Variants in SH3KBP1 observed in about 807,000 individuals in gnomAD.
SH3KBP1 encodes the protein SH3 domain-containing kinase-binding protein 1.
In SH3KBP1, 8 loss-of-function variants were observed where a neutral mutation model predicts 50.1. That is an observed-to-expected ratio of 0.16 (90% confidence interval 0.09 to 0.29). The LOEUF is 0.29. Among genes scored for constraint, SH3KBP1 ranks in the 10% least tolerant of loss-of-function variants. The pLI is 1.00. For missense variants in SH3KBP1, 377 were observed against 535.2 expected (o/e 0.70, Z 2.92); for synonymous variants, 227 against 218.6 (o/e 1.04, Z -0.34).
chrX:19,847,410 T>C (rs778240998), intron 1 of SH3KBP1, among the ~76,000 whole-genome samples: 1 of 111,602 alleles, frequency 9.0e-6, no homozygotes, highest in Non-Finnish European at 1.9e-5. Context: ...GAAATGCTTG[T>C]TGTCGAGGGG....
intron 1 of SH3KBP1, among the ~76,000 whole-genome samples, chrX:19,868,074 T>C (rs1030601184): frequency 1.4e-4 from 16 of 111,449 alleles, no homozygotes; most frequent in African/African-American, 4.9e-4. Flanking sequence ...AGGGTTTGAT[T>C]TGTCTACCTA....
At chrX:19,760,041 C>CCTCTCTCTCTCTCTCTCTCT (rs745515349) in intron 2 of SH3KBP1, among the ~76,000 whole-genome samples, 30 of 50,384 alleles carry the variant, frequency 6.0e-4, no homozygotes, top group Non-Finnish European at 7.1e-4. Context: ...TCTCTCTCTC[C>CCTCTCTCTCTCTCTCTCTCT]CTCTCTCTCT....
chrX:19,758,004 G>GT (rs970621672), intron 2 of SH3KBP1, among the ~76,000 whole-genome samples: 8 of 108,827 alleles, frequency 7.4e-5, no homozygotes, highest in Non-Finnish European at 1.3e-4. Flanking sequence ...AATAATCAAT[G>GT]TTTTTTTTTC....
intron 2 of SH3KBP1, among the ~76,000 whole-genome samples, chrX:19,796,283 T>A (rs1383258272): frequency 8.9e-6 from 1 of 112,020 alleles, no homozygotes; most frequent in Non-Finnish European, 1.9e-5. Context: ...GCAACCTATG[T>A]GCTTAGGAAC....
In SH3KBP1 at chrX:19,631,843, T is replaced by C. The variant is rs748046985; in HGVS notation, c.897+21A>G. On this transcript the variant is annotated intron_variant, in intron 8 of 17. Transcript: ENST00000397821. ...CCAAAGCAGTTCGCGATTTAGAAGGTAGGAGACAACCTTTGTTTACCTTAT... is the reference window on the plus strand; with the variant it reads ...CCAAAGCAGTTCGCGATTTAGAAGGCAGGAGACAACCTTTGTTTACCTTAT... The C allele has an allele frequency of 7.5e-6, 8 of 1,068,100 alleles. No homozygotes were observed. The East Asian group carries it at 2.4e-4, about 32-fold the overall frequency. The allele number at this position is 1,068,100 out of a possible 1,213,427, so 88.0% of individuals were successfully genotyped here.
chrX:19,782,804 CT>C (rs2066220558), intron 2 of SH3KBP1, among the ~76,000 whole-genome samples: 1 of 111,525 alleles, frequency 9.0e-6, no homozygotes, highest in Admixed American at 9.5e-5. Flanking sequence ...TTGCTGATGC[CT>C]TTCTCCAGTT....
intron 7 of SH3KBP1, among the ~76,000 whole-genome samples, chrX:19,643,307 A>ATT (rs1216327847): frequency 5.4e-5 from 4 of 74,575 alleles, no homozygotes; most frequent in Non-Finnish European, 7.1e-5. Flanking sequence ...AGAATTTTTT[A>ATT]TTTTTTTTTT....
chrX:19,660,924 T>C (rs896097662), intron 6 of SH3KBP1, among the ~76,000 whole-genome samples: 1 of 112,414 alleles, frequency 8.9e-6, no homozygotes, highest in African/African-American at 3.2e-5. Flanking sequence ...GACCATCAAC[T>C]CATGTAGTAC....
intron 1 of SH3KBP1, among the ~76,000 whole-genome samples, chrX:19,868,202 C>T (rs982406037): frequency 8.1e-5 from 9 of 111,723 alleles, no homozygotes; most frequent in Admixed American, 3.8e-4. Flanking sequence ...CCCTACTGTG[C>T]GCCGGGATCT....
Position 19,588,667 on chromosome X carries a change from G to A in SH3KBP1, c.1274C>T (p.Pro425Leu), listed in dbSNP as rs765884745. 8 of 1,205,915 alleles carry A rather than the reference G, an allele frequency of 6.6e-6. No homozygotes were observed. The highest frequency in any genetic ancestry group is 5.9e-5 in the East Asian group (2 of 33,642). Residue 425 changes from proline (P) to leucine (L), a missense_variant, in exon 12 of 18, where the codon CCG becomes CTG. By Grantham distance (98) the Pro-to-Leu change is moderately conservative. Around this residue, in one of 3 missense-constraint regions of SH3KBP1, gnomAD observed 257 missense variants for 374.2 expected, o/e 0.69. Transcript: ENST00000397821. ...GALPPRRPER[P>L]VGPLTHTRGD... is the part of the protein sequence containing the mutation. ...CCTGGTGTGTGTCAGCGGACCCACC[G>A]GTCTCTCCGGCCTTCTCGGGGGCAG...
chrX:19,694,909 T>C (rs2063379668), intron 5 of SH3KBP1: 2 of 816,003 alleles, frequency 2.5e-6, no homozygotes. Flanking sequence ...TTCATGCCCA[T>C]GACCTTGGCT....
intron 3 of SH3KBP1, among the ~76,000 whole-genome samples, chrX:19,730,319 A>G (rs1451207760): frequency 8.9e-6 from 1 of 112,184 alleles, no homozygotes; most frequent in Non-Finnish European, 1.9e-5. Flanking sequence ...CCATAAAAGA[A>G]ATAACTATTA....
intron 4 of SH3KBP1, among the ~76,000 whole-genome samples, chrX:19,705,382 C>G (rs2063631725): frequency 8.9e-6 from 1 of 111,803 alleles, no homozygotes; most frequent in African/African-American, 3.3e-5. Flanking sequence ...TCTTATTAGT[C>G]ACATCTGTTT....
intron 12 of SH3KBP1, chrX:19,588,426 C>T (rs1354384752): frequency 1.5e-5 from 17 of 1,144,216 alleles, no homozygotes; most frequent in Admixed American, 7.9e-5. Flanking sequence ...AAACCCACAC[C>T]GCACCCCTCA....
intron 5 of SH3KBP1, among the ~76,000 whole-genome samples, chrX:19,694,663 G>A (rs146773138): frequency 8.3e-4 from 93 of 111,584 alleles, no homozygotes; most frequent in African/African-American, 2.6e-3. Context: ...GAAGGAAGTC[G>A]CTTGAGCACT....
At chrX:19,557,904 T>A (rs779400952) in intron 13 of SH3KBP1, among the ~76,000 whole-genome samples, 55 of 111,729 alleles carry the variant, frequency 4.9e-4, no homozygotes, top group African/African-American at 1.7e-3. Context: ...AAAGGTGAAA[T>A]TAGCAATGAT....
intron 1 of SH3KBP1, among the ~76,000 whole-genome samples, chrX:19,845,301 T>A (rs2068338184): frequency 1.9e-5 from 2 of 106,568 alleles, no homozygotes; most frequent in South Asian, 4.2e-4. Flanking sequence ...ACACGGTGAA[T>A]CCCTGTCTCT....
chrX:19,583,162 A>ATTATTATTATTT (rs1298547093), intron 12 of SH3KBP1, among the ~76,000 whole-genome samples: 10 of 93,976 alleles, frequency 1.1e-4, no homozygotes, highest in Non-Finnish European at 1.7e-4. Flanking sequence ...TATTATTATT[A>ATTATTATTATTT]TTATTTTTGA....
chrX:19,815,056 A>G (rs2067313977), intron 2 of SH3KBP1, among the ~76,000 whole-genome samples: 1 of 112,028 alleles, frequency 8.9e-6, no homozygotes. Context: ...TCTGTCACCC[A>G]TCACCCATCA....
Sources: gnomAD v4.1 joint callset for allele counts (sites outside exome capture counted in the v4.1 genomes callset) on GRCh38, gnomAD v4.1.1 for gene constraint, gnomAD v4.1.1 regional missense constraint, MANE v1.5 for transcripts, NCBI Gene and HGNC (gene_info 2026-07-23, HGNC 2026-07-21) for gene names.